The following CNTN5 variants were observed in gnomAD, a reference collection of about 807,000 sequenced individuals.
The protein encoded by CNTN5 is contactin-5.
A neutral mutation model predicts 129.1 loss-of-function variants in CNTN5; 77 were observed. That is an observed-to-expected ratio of 0.60 (90% confidence interval 0.50 to 0.72). The LOEUF (loss-of-function observed/expected upper bound fraction) is 0.72. Ranked by LOEUF, CNTN5 falls within the 30% of genes least tolerant of loss-of-function variation. The pLI is 0.00. For missense variants in CNTN5, 1,478 were observed against 1,328.8 expected, an observed-to-expected ratio of 1.11 and a Z score of -1.75; for synonymous variants, 509 against 465.6, an observed-to-expected ratio of 1.09 and a Z score of -1.20.
intron 3 of CNTN5, among the ~76,000 whole-genome samples, chr11:99,663,508 C>T (rs189731202): frequency 6.6e-5 from 10 of 152,116 alleles, no homozygotes; most frequent in East Asian, 1.9e-4. Context: ...CAAAAAGACA[C>T]GTTAAATGAA....
chr11:100,042,963 G>C (rs1340259756), intron 9 of CNTN5, among the ~76,000 whole-genome samples: 1 of 152,142 alleles, frequency 6.6e-6, no homozygotes, highest in Non-Finnish European at 1.5e-5. Flanking sequence ...ACAGAACTGT[G>C]CTCTTCCTTT....
In CNTN5 at chr11:99,980,322, A is replaced by G. The variant is rs147011097; in HGVS notation, c.878-21712A>G. ...ATAATGAAATTGCTTGCTTCCTCAA[A>G]CCTTGATGTTACTAAACTTATTTAA... On this transcript the variant is annotated intron_variant, in intron 8 of 24. Coordinates refer to ENST00000524871, the MANE Select transcript of CNTN5 (RefSeq NM_014361.4). 5.6e-3 allele frequency among the ~76,000 whole-genome samples: 851 copies of G among 152,276 alleles called. 11 individuals carry two copies. The highest frequency in any genetic ancestry group is 0.02 in the African/African-American group (828 of 41,542).
At chr11:100,196,169 T>A (rs1422787690) in intron 15 of CNTN5, among the ~76,000 whole-genome samples, 2 of 151,640 alleles carry the variant, frequency 1.3e-5, no homozygotes, top group African/African-American at 4.8e-5. Flanking sequence ...AGGAATAGAG[T>A]GTGCCTATGA....
intron 1 of CNTN5, among the ~76,000 whole-genome samples, chr11:99,235,925 G>T (rs749017865): frequency 9.2e-5 from 14 of 152,160 alleles, no homozygotes; most frequent in Non-Finnish European, 1.9e-4. Flanking sequence ...GCTGGCTTCT[G>T]CAGTGAACCA....
intron 1 of CNTN5, among the ~76,000 whole-genome samples, chr11:99,118,997 A>G (rs1202141238): frequency 6.6e-6 from 1 of 152,064 alleles, no homozygotes; most frequent in Non-Finnish European, 1.5e-5. Flanking sequence ...GCAGGTTATC[A>G]CTTTCTATAT....
chr11:99,235,769 C>T (rs972437255), intron 1 of CNTN5, among the ~76,000 whole-genome samples: 3 of 152,042 alleles, frequency 2.0e-5, no homozygotes, highest in Non-Finnish European at 2.9e-5. Flanking sequence ...TGCAAAATGT[C>T]CTATGAGGAA....
chr11:99,439,205 C>T (rs916872767), intron 2 of CNTN5, among the ~76,000 whole-genome samples: 25 of 151,470 alleles, frequency 1.7e-4, no homozygotes, highest in Non-Finnish European at 1.0e-4. Flanking sequence ...ATGTCCAGTA[C>T]GGCTATAGCA....
chr11:99,433,371 ATGT>A (rs1406646250), intron 2 of CNTN5, among the ~76,000 whole-genome samples: 3,144 of 140,858 alleles, frequency 0.022, 55 homozygotes, highest in East Asian at 0.093. Flanking sequence ...TAAAAAAAAA[ATGT>A]GTGTGTGTGT....
At chr11:100,201,352 A>T (rs1261197151) in intron 15 of CNTN5, among the ~76,000 whole-genome samples, 1 of 151,930 alleles carries the variant, frequency 6.6e-6, no homozygotes, top group African/African-American at 2.4e-5. Context: ...AAAAAAAAAA[A>T]GTCTTAATTA....
At chr11:100,324,195 G>C (rs1249041670) in intron 21 of CNTN5, among the ~76,000 whole-genome samples, 2 of 152,110 alleles carry the variant, frequency 1.3e-5, no homozygotes, top group Non-Finnish European at 2.9e-5. Context: ...GTAACAAATA[G>C]ATTTTTAAAG....
At chr11:99,723,325 G>T (rs1943235102) in intron 3 of CNTN5, among the ~76,000 whole-genome samples, 1 of 151,994 alleles carries the variant, frequency 6.6e-6, no homozygotes, top group South Asian at 2.1e-4. Context: ...ATGCTGCCTG[G>T]TCTCATTAAA....
intron 18 of CNTN5, among the ~76,000 whole-genome samples, chr11:100,272,346 T>C (rs145647513): frequency 1.1e-4 from 16 of 152,172 alleles, no homozygotes; most frequent in African/African-American, 2.4e-4. Flanking sequence ...AAGAATTAAC[T>C]GTGTCCATTG....
intron 2 of CNTN5, among the ~76,000 whole-genome samples, chr11:99,513,346 T>C (rs1946912958): frequency 6.6e-6 from 1 of 152,100 alleles, no homozygotes; most frequent in African/African-American, 2.4e-5. Flanking sequence ...AGTGCTGACA[T>C]AGAAGCTGCA....
At chr11:99,964,114 T>A (rs1951026391) in intron 8 of CNTN5, among the ~76,000 whole-genome samples, 1 of 152,178 alleles carries the variant, frequency 6.6e-6, no homozygotes, top group African/African-American at 2.4e-5. Flanking sequence ...ACAGGGACAA[T>A]TTGACAATTC....
chr11:99,975,832 T>C (rs920442068), intron 8 of CNTN5, among the ~76,000 whole-genome samples: 3 of 152,166 alleles, frequency 2.0e-5, no homozygotes, highest in Non-Finnish European at 4.4e-5. Flanking sequence ...CCAAATCTCA[T>C]GTCCTTCCAC....
intron 2 of CNTN5, among the ~76,000 whole-genome samples, chr11:99,500,228 T>G (rs879923042): frequency 6.6e-6 from 1 of 152,198 alleles, no homozygotes; most frequent in Non-Finnish European, 1.5e-5. Context: ...ATCTTGATCT[T>G]ATATCAAAAT....
At chr11:99,865,644 A>T (rs1591333039) in intron 6 of CNTN5, among the ~76,000 whole-genome samples, 1 of 152,056 alleles carries the variant, frequency 6.6e-6, no homozygotes, top group African/African-American at 2.4e-5. Flanking sequence ...TTTTTAGATA[A>T]AAGTGGCTGA....
chr11:100,310,559 G>C (rs1382996844), intron 21 of CNTN5, among the ~76,000 whole-genome samples: 1 of 151,852 alleles, frequency 6.6e-6, no homozygotes, highest in Non-Finnish European at 1.5e-5. Flanking sequence ...CAAAGTCCCT[G>C]CTCTTCTGAA....
At chr11:99,975,701 C>A (rs1463075280) in intron 8 of CNTN5, among the ~76,000 whole-genome samples, 1 of 151,962 alleles carries the variant, frequency 6.6e-6, no homozygotes, top group Non-Finnish European at 1.5e-5. Context: ...GAGAACTCTA[C>A]CACCCCCCTG....
Sources: allele counts gnomAD v4.1 joint callset (sites outside exome capture counted in the v4.1 genomes callset), GRCh38; gene constraint gnomAD v4.1.1; transcripts MANE v1.5; gene names NCBI Gene and HGNC (gene_info 2026-07-23, HGNC 2026-07-21).